SCN1A: variants seen among roughly 807,000 people sequenced by gnomAD.
SCN1A encodes sodium channel protein type 1 subunit alpha.
A neutral mutation model predicts 193.7 loss-of-function variants in SCN1A; 13 were observed. That is an observed-to-expected ratio of 0.07 (90% CI 0.04 to 0.11). The LOEUF (loss-of-function observed/expected upper bound fraction) is 0.11. Among genes scored for constraint, SCN1A ranks in the 10% least tolerant of loss-of-function variants. SCN1A has a pLI of 1.00. For missense variants in SCN1A, 1,432 were observed against 2,451.1 expected, an observed-to-expected ratio of 0.58 and a Z score of 8.78; for synonymous variants, 781 against 843.6, an observed-to-expected ratio of 0.93 and a Z score of 1.29.
intron 2 of SCN1A, among the ~76,000 whole-genome samples, chr2:166,079,877 CTAGAAA>C (rs1685322330): frequency 6.6e-6 from 1 of 151,192 alleles, no homozygotes; most frequent in Non-Finnish European, 1.5e-5. Flanking sequence ...CATACTGATA[CTAGAAA>C]AAGTATTTTT....
Position 166,012,223 on chromosome 2 carries a change from A to G in SCN1A, c.3765T>C (p.Ala1255=), listed in dbSNP as rs1263272592. 1.2e-6 allele frequency: 2 copies of G among 1,610,220 alleles called. No homozygotes were observed. The highest frequency in any genetic ancestry group is 4.5e-5 in the East Asian group (2 of 44,730). Residue 1255 remains alanine, a synonymous_variant, in exon 22 of 29, where the codon GCT becomes GCC. Transcript: ENST00000674923. The part of the protein sequence containing the change: ...RKTIKTMLEY[A]DKVFTYIFIL... ...TGAAAATGTAAGTGAAAACCTTGTC[A>G]GCATATTCCAACATCGTCTTAATCG... is the stretch of plus-strand genomic sequence containing the variant.
chr2:166,056,562 G>T, intron 5 of SCN1A, 62 bp from the exon 6 acceptor site: 1 of 1,271,872 alleles, frequency 7.9e-7, no homozygotes, highest in Non-Finnish European at 1.1e-6. Flanking sequence ...ATTACAAAAA[G>T]CTAACATTGA....
At position 166,144,343 on chromosome 2, in the gene SCN1A, C is replaced by T. The variant is rs571714707; in HGVS notation, c.-50+4704G>A. ...AGTTGGCTGGGTCATCAGTGTGGTA[C>T]CTCTGGTAAAGCTCAAGTATAGGGA... On this transcript the variant is annotated intron_variant, in intron 1 of 26. Coordinates refer to the SCN1A transcript ENST00000635750. 9.2e-5 allele frequency among the ~76,000 whole-genome samples: 14 copies of T among 152,226 alleles called. No homozygotes were observed. The East Asian group carries it at 2.7e-3, about 29-fold the overall frequency.
upstream of SCN1A, among the ~76,000 whole-genome samples, chr2:166,130,655 G>C (rs1348739720): frequency 6.6e-6 from 1 of 152,070 alleles, no homozygotes; most frequent in Non-Finnish European, 1.5e-5. Context: ...TTGACAAGTT[G>C]AAAGCATTGA....
At chr2:166,016,782 T>A (rs1693365885) in intron 19 of SCN1A, 1 of 151,926 alleles carries the variant, frequency 6.6e-6, no homozygotes, top group Admixed American at 6.6e-5. Flanking sequence ...AGTACAGTAT[T>A]TTCTAAACTT....
At chr2:166,082,299 T>C (rs1685612472) in intron 2 of SCN1A, among the ~76,000 whole-genome samples, 2 of 152,102 alleles carry the variant, frequency 1.3e-5, no homozygotes, top group Admixed American at 1.3e-4. Context: ...TTACGCAGCT[T>C]ATTAATGGTG....
chr2:166,089,356 T>TA, intron 2 of SCN1A, among the ~76,000 whole-genome samples: 1 of 152,140 alleles, frequency 6.6e-6, no homozygotes, highest in South Asian at 2.1e-4. Context: ...TCTTCTCTGC[T>TA]AAAAAAATTA....
chr2:166,140,095 C>T (rs1692021256), intron 1 of SCN1A, among the ~76,000 whole-genome samples: 1 of 152,020 alleles, frequency 6.6e-6, no homozygotes, highest in African/African-American at 2.4e-5. Flanking sequence ...ATAAATGAGG[C>T]AACTGAGGCT....
intron 21 of SCN1A, among the ~76,000 whole-genome samples, chr2:166,012,641 A>G (rs1354605118): frequency 9.3e-6 from 1 of 107,492 alleles, no homozygotes; most frequent in Non-Finnish European, 1.8e-5. Flanking sequence ...TTTTTGCTAT[A>G]GAAAGGAGGT....
At chr2:166,009,588 A>G (rs949888245) in intron 23 of SCN1A, 131 bp downstream of exon 23, 1 of 739,546 alleles carries the variant, frequency 1.4e-6, no homozygotes. Context: ...TATGCAACAG[A>G]TAAAACAATA....
chr2:166,090,125 A>C (rs117437031), intron 2 of SCN1A, among the ~76,000 whole-genome samples: 3,896 of 143,982 alleles, frequency 0.027, 75 homozygotes, highest in South Asian at 0.074. Context: ...CTGTAGCCTC[A>C]AACTTCTGGC....
At chr2:166,085,802 A>G (rs1213709175) in intron 2 of SCN1A, among the ~76,000 whole-genome samples, 1 of 152,174 alleles carries the variant, frequency 6.6e-6, no homozygotes, top group African/African-American at 2.4e-5. Context: ...GATTCTGTAT[A>G]TATAAAATCT....
At chr2:166,074,416 T>C (rs761887288) in intron 3 of SCN1A, among the ~76,000 whole-genome samples, 1 of 152,132 alleles carries the variant, frequency 6.6e-6, no homozygotes, top group Non-Finnish European at 1.5e-5. Context: ...AGGAGTCTCC[T>C]GTTTCAAGAA....
In SCN1A at chr2:166,100,181, C is replaced by T. The variant is rs1443479035; in HGVS notation, c.-141-22380G>A. 3.3e-4 allele frequency among the ~76,000 whole-genome samples: 45 copies of T among 135,454 alleles called. 1 individual carries two copies. Among genetic ancestry groups the T allele is most frequent in the African/African-American group, 1.2e-3 (42 of 36,438 alleles). 88.9% of individuals were successfully genotyped at this position (135,454 alleles called of 152,430 possible). A position where few individuals can be genotyped will look rare whatever the true frequency, so the allele number is the denominator to read the frequency against. On this transcript the variant is annotated intron_variant, in intron 2 of 28. Transcript: ENST00000674923. ...AAAACAGAGATATAGATCAATGGAA[C>T]AGAACAGAGCCCTCAGAAATAACGC...
chr2:166,108,658 A>G (rs1381277788), intron 2 of SCN1A, among the ~76,000 whole-genome samples: 2 of 152,170 alleles, frequency 1.3e-5, no homozygotes, highest in African/African-American at 4.8e-5. Flanking sequence ...ACATGCTGTT[A>G]GGTGAGTGAA....
intron 2 of SCN1A, among the ~76,000 whole-genome samples, chr2:166,124,507 A>G (rs867048660): frequency 2.0e-5 from 3 of 152,198 alleles, no homozygotes; most frequent in Admixed American, 6.5e-5. Context: ...AGAACGTGCC[A>G]CTGCACTGCA....
chr2:166,036,608 T>G, intron 18 of SCN1A, 78 bp from the exon 19 acceptor site: 3 of 1,458,340 alleles, frequency 2.1e-6, no homozygotes, highest in Non-Finnish European at 2.8e-6. Context: ...ATTCTTTCTT[T>G]TAAGTGTGGA....
chr2:166,033,393 T>A lies in SCN1A; in HGVS notation c.3429+2655A>T, dbSNP rs529326934. 2.6e-5 allele frequency among the ~76,000 whole-genome samples: 4 copies of A among 152,226 alleles called. No homozygotes were observed. The South Asian group carries it at 6.2e-4, about 24-fold the overall frequency. On this transcript the variant is annotated intron_variant, in intron 19 of 28. Transcript: ENST00000674923. ...TTTACCAGGACTTCTCCCTCTGACA[T>A]GAAATGTGCTCTAACGTTATTCTGT...
At chr2:166,049,181 G>A (rs1255142271) in intron 9 of SCN1A, among the ~76,000 whole-genome samples, 1 of 88,912 alleles carries the variant, frequency 1.1e-5, no homozygotes, top group Non-Finnish European at 3.1e-5. Flanking sequence ...ATTAGATACA[G>A]TGCAAAGATA....
Sources: allele counts gnomAD v4.1 joint callset (sites outside exome capture counted in the v4.1 genomes callset), GRCh38; gene constraint gnomAD v4.1.1; transcripts MANE v1.5; gene names NCBI Gene and HGNC (gene_info 2026-07-23, HGNC 2026-07-21).